Variants in NTN1 observed in about 807,000 individuals in gnomAD.
NTN1 encodes netrin-1.
A neutral mutation model predicts 54.2 loss-of-function variants in NTN1; 11 were observed. The ratio of observed to expected loss-of-function variants is 0.20; its 90% CI spans 0.13 to 0.34. The LOEUF is 0.34. NTN1 is among the 10% of genes least tolerant of loss of function. The pLI is 1.00. For missense variants in NTN1, 740 were observed against 893.1 expected (o/e 0.83, Z 2.18); for synonymous variants, 371 against 382.0 (o/e 0.97, Z 0.33).
At chr17:9,202,961 G>A (rs1039035416) in intron 5 of NTN1, among the ~76,000 whole-genome samples, 9 of 151,252 alleles carry the variant, frequency 6.0e-5, no homozygotes, top group African/African-American at 7.3e-5. Context: ...TCTCTCTGTC[G>A]GCCAGGCTAG....
intron 2 of NTN1, among the ~76,000 whole-genome samples, chr17:9,114,162 A>ATATATATATATATATATATATATATATAT (rs1180136945): frequency 1.2e-5 from 1 of 84,248 alleles, no homozygotes; most frequent in Non-Finnish European, 2.4e-5. Context: ...AGAAAAAAAA[A>ATATATATATATATATATATATATATATAT]AAAAATATAT....
intron 2 of NTN1, among the ~76,000 whole-genome samples, chr17:9,150,701 G>A (rs1225395952): frequency 2.0e-5 from 3 of 152,250 alleles, no homozygotes; most frequent in Non-Finnish European, 2.9e-5. Context: ...GGACATGTTC[G>A]TTAGGAGGGG....
rs143350408 is a variant in NTN1 at position 9,125,228 on chromosome 17, A to ATT, written c.1019-37571_1019-37570dup. ...AGATGCATGCCACCATGTTTGGCTA[A>ATT]TTTTTTTTTTTTTTTGAGACGTAGT... On this transcript the variant is annotated intron_variant, in intron 2 of 6. Transcript: ENST00000173229. 3.9e-3 allele frequency among the ~76,000 whole-genome samples: 559 copies of ATT among 142,664 alleles called. 6 individuals are homozygous for ATT. The highest frequency in any genetic ancestry group is 0.014 in the African/African-American group (533 of 38,772). The allele number at this position is 142,664 out of a possible 152,430, so 93.6% of individuals were successfully genotyped here.
intron 2 of NTN1, among the ~76,000 whole-genome samples, chr17:9,025,893 T>C (rs1481348278): frequency 1.3e-5 from 2 of 152,252 alleles, no homozygotes; most frequent in African/African-American, 2.4e-5. Context: ...AAAGTAACTT[T>C]GGACTATCAG....
intron 5 of NTN1, among the ~76,000 whole-genome samples, chr17:9,203,403 G>A (rs115936172): frequency 6.6e-6 from 1 of 152,174 alleles, no homozygotes; most frequent in Non-Finnish European, 1.5e-5. Flanking sequence ...ACACTTGGAG[G>A]TTTCTATCAT....
intron 2 of NTN1, among the ~76,000 whole-genome samples, chr17:9,076,532 T>C (rs556879990): frequency 1.2e-3 from 176 of 152,046 alleles, no homozygotes; most frequent in African/African-American, 4.0e-3. Context: ...ACCAGCATGC[T>C]CAGTGAATTT....
intron 2 of NTN1, among the ~76,000 whole-genome samples, chr17:9,081,642 G>C (rs115414663): frequency 8.5e-5 from 13 of 152,322 alleles, no homozygotes; most frequent in African/African-American, 3.1e-4. Context: ...CTGTCGCAGA[G>C]AGAGCTCTGG....
In NTN1 at chr17:9,243,584, CG is replaced by C. The variant is rs1044069173; in HGVS notation, c.*3623del. 5.3e-5 allele frequency: 8 copies of C among 152,028 alleles called. No homozygotes were observed. The highest frequency in any genetic ancestry group is 8.8e-5 in the Non-Finnish European group (6 of 68,050). The allele number at this position is 152,028 out of a possible 1,614,324, so 9.4% of individuals were successfully genotyped here. A position where few individuals can be genotyped will look rare whatever the true frequency, so the allele number is the denominator to read the frequency against. Reference sequence around the variant, plus strand: ...GACATTCCTGTGGGCCATGGCACACCGGGGGGGATCAAAATGTGTACTTGTG... The same window carrying C: ...GACATTCCTGTGGGCCATGGCACACCGGGGGGATCAAAATGTGTACTTGTG... On this transcript the variant is annotated 3_prime_UTR_variant, in exon 7 of 7. Transcript: ENST00000173229.
In NTN1 at chr17:9,037,003, G is replaced by A. The variant is rs115072905; in HGVS notation, c.1018+13612G>A. 8.2e-3 allele frequency among the ~76,000 whole-genome samples: 1,241 copies of A among 152,180 alleles called. 17 individuals are homozygous for A. The highest frequency in any genetic ancestry group is 0.028 in the African/African-American group (1,180 of 41,500). On this transcript the variant is annotated intron_variant, in intron 2 of 6. Transcript: ENST00000173229. ...TCCCTCTTTGCCTTCCAGTGTGTTC[G>A]CTAGCTGGTCTTCTCTCTTTAAATC... is the stretch of plus-strand genomic sequence containing the variant.
chr17:9,137,266 T>C (rs745995975), intron 2 of NTN1, among the ~76,000 whole-genome samples: 1 of 152,172 alleles, frequency 6.6e-6, no homozygotes, highest in Non-Finnish European at 1.5e-5. Flanking sequence ...CTAGCGACCA[T>C]GTCTCCTGTT....
intron 2 of NTN1, among the ~76,000 whole-genome samples, chr17:9,129,748 C>T (rs2092258459): frequency 6.6e-6 from 1 of 152,200 alleles, no homozygotes; most frequent in Non-Finnish European, 1.5e-5. Context: ...CTCTGGACCT[C>T]CCGGCTGCCG....
intron 2 of NTN1, among the ~76,000 whole-genome samples, chr17:9,064,945 T>C (rs1351373135): frequency 2.0e-5 from 3 of 152,022 alleles, no homozygotes; most frequent in Non-Finnish European, 4.4e-5. Context: ...TATTAATTAA[T>C]TTATTTATTG....
chr17:9,085,523 G>A (rs2092087335), intron 2 of NTN1, among the ~76,000 whole-genome samples: 1 of 152,234 alleles, frequency 6.6e-6, no homozygotes, highest in South Asian at 2.1e-4. Context: ...AAAAGGAAGT[G>A]GAGGATGGAT....
At chr17:9,012,584 C>T in the NTN1 span, among the ~76,000 whole-genome samples, 403 of 151,814 alleles carry the variant, frequency 2.7e-3, 2 homozygotes, top group African/African-American at 9.3e-3. Flanking sequence ...ACGTGCCGTT[C>T]CCTCTGCCTG....
At chr17:9,139,979 A>T (rs1355136039) in intron 2 of NTN1, among the ~76,000 whole-genome samples, 1 of 152,032 alleles carries the variant, frequency 6.6e-6, no homozygotes, top group African/African-American at 2.4e-5. Flanking sequence ...TATCCAAAAT[A>T]AAAGTTCAAT....
chr17:9,009,966 T>C, the NTN1 span, among the ~76,000 whole-genome samples: 28 of 152,176 alleles, frequency 1.8e-4, 1 homozygote, highest in African/African-American at 6.8e-4. Context: ...TTGGATGAGA[T>C]ACTCTCTAAG....
At chr17:9,225,749 G>A (rs1395879471) in intron 6 of NTN1, among the ~76,000 whole-genome samples, 2 of 152,204 alleles carry the variant, frequency 1.3e-5, no homozygotes, top group Non-Finnish European at 2.9e-5. Context: ...GGGCTCCCTC[G>A]GAGGCTGCAT....
rs58541910 is a variant in NTN1, at chr17:9,210,905, G to GAA, written c.1412-10232_1412-10231dup. ...TGGGCTACAGAGTGAGACTCCATCT[G>GAA]AAAAAAAAAAAAAAAAAAAAAAAAA... On this transcript the variant is annotated intron_variant, in intron 5 of 6. Coordinates refer to ENST00000173229, the MANE Select transcript of NTN1 (RefSeq NM_004822.3). Among the ~76,000 whole-genome samples the GAA allele has an allele frequency of 1.0e-3, 24 of 23,492 alleles. 4 individuals are homozygous for GAA. The highest frequency in any genetic ancestry group is 2.6e-3 in the East Asian group (2 of 776). 15.4% of individuals were successfully genotyped at this position (23,492 alleles called of 152,430 possible). A position where few individuals can be genotyped will look rare whatever the true frequency, so the allele number is the denominator to read the frequency against.
intron 2 of NTN1, among the ~76,000 whole-genome samples, chr17:9,124,756 G>A (rs759720780): frequency 3.9e-5 from 6 of 152,182 alleles, no homozygotes; most frequent in South Asian, 2.1e-4. Flanking sequence ...CAGCCACGGC[G>A]GCAGAGTCAA....
Sources: allele counts gnomAD v4.1 joint callset (sites outside exome capture counted in the v4.1 genomes callset), GRCh38; gene constraint gnomAD v4.1.1; transcripts MANE v1.5; gene names NCBI Gene and HGNC (gene_info 2026-07-23, HGNC 2026-07-21).